The following BLNK variants were observed in gnomAD, a reference collection of about 807,000 sequenced individuals.
BLNK encodes the protein B cell linker.
BLNK carries 29 observed loss-of-function variants against 73.5 expected under a neutral mutation model. The observed-to-expected ratio is 0.39, with a 90% CI of 0.29 to 0.54. BLNK has a LOEUF of 0.54. Among genes scored for constraint, BLNK ranks in the 20% least tolerant of loss-of-function variants. BLNK has a pLI of 0.61. For missense variants in BLNK, 460 were observed against 562.8 expected, an observed-to-expected ratio of 0.82 and a Z score of 1.85; for synonymous variants, 176 against 200.8, an observed-to-expected ratio of 0.88 and a Z score of 1.04.
rs5787172 is a variant in BLNK at position 96,203,782 on chromosome 10, TA to T, written c.934+274del. The T allele has an allele frequency of 0.73, 167,197 of 227,484 alleles. 57,749 individuals are homozygous for T. Among genetic ancestry groups the T allele is most frequent in the Non-Finnish European group, 0.78 (89,959 of 115,684 alleles). The allele number at this position is 227,484 out of a possible 1,614,324, so 14.1% of individuals were successfully genotyped here. A position where few individuals can be genotyped will look rare whatever the true frequency, so the allele number is the denominator to read the frequency against. ...TTTGAAAACAGCTGTATTGTTTTTGTAAAAAAAAAAAAAGTTAAAAAAGGAT... is the reference window on the plus strand; with the variant it reads ...TTTGAAAACAGCTGTATTGTTTTTGTAAAAAAAAAAAAGTTAAAAAAGGAT... On this transcript the variant is annotated intron_variant, in intron 13 of 16. Coordinates refer to ENST00000224337, the MANE Select transcript of BLNK (RefSeq NM_013314.4).
intron 8 of BLNK, among the ~76,000 whole-genome samples, chr10:96,213,077 C>T (rs587606653): frequency 4.8e-4 from 73 of 152,256 alleles, no homozygotes; most frequent in African/African-American, 1.7e-3. Context: ...GTAATAAATC[C>T]AGCTGGCTAA....
At chr10:96,210,500 T>C (rs2083921763) in intron 8 of BLNK, among the ~76,000 whole-genome samples, 1 of 152,240 alleles carries the variant, frequency 6.6e-6, no homozygotes, top group South Asian at 2.1e-4. Flanking sequence ...TTGAGACAAG[T>C]GCAGGCTGCT....
chr10:96,204,401 A>T, intron 12 of BLNK, 131 bp downstream of exon 12: 1 of 1,070,538 alleles, frequency 9.3e-7, no homozygotes. Flanking sequence ...TTTAACACGT[A>T]ACTGCAAAAC....
At chr10:96,205,035 C>T (rs782659780) in intron 11 of BLNK, 67 of 268,798 alleles carry the variant, frequency 2.5e-4, no homozygotes, top group South Asian at 9.4e-4. Flanking sequence ...AGTCATAAGA[C>T]GTGGTATAAG....
chr10:96,250,482 G>A (rs191511508), intron 1 of BLNK, among the ~76,000 whole-genome samples: 94 of 151,906 alleles, frequency 6.2e-4, no homozygotes, highest in African/African-American at 2.1e-3. Flanking sequence ...TGGATTGATT[G>A]CAAGGAAATT....
At position 96,271,546 on chromosome 10, in the gene BLNK, A is replaced by G; in HGVS notation, c.-148T>C. Reference sequence around the variant, plus strand: ...TTTCTGAGAGTGCAGGCTGCTGGCAAACACCCCTGCTCTAGGGAGAAGTAA... The same window carrying G: ...TTTCTGAGAGTGCAGGCTGCTGGCAGACACCCCTGCTCTAGGGAGAAGTAA... On this transcript the variant is annotated 5_prime_UTR_variant, in exon 1 of 17. Transcript: ENST00000224337. 1 of 780,704 alleles carries G rather than the reference A, an allele frequency of 1.3e-6. No individual in the cohort carries two copies. Among genetic ancestry groups the G allele is most frequent in the South Asian group, 1.4e-5 (1 of 70,768 alleles). 48.4% of individuals were successfully genotyped at this position (780,704 alleles called of 1,614,324 possible). A position where few individuals can be genotyped will look rare whatever the true frequency, so the allele number is the denominator to read the frequency against.
intron 1 of BLNK, among the ~76,000 whole-genome samples, chr10:96,256,033 A>G (rs1291420733): frequency 1.3e-5 from 2 of 152,176 alleles, no homozygotes; most frequent in Non-Finnish European, 2.9e-5. Flanking sequence ...AACACTGCCA[A>G]TAAGAAAAAG....
chr10:96,259,408 C>T (rs1843648286), intron 1 of BLNK, among the ~76,000 whole-genome samples: 1 of 152,108 alleles, frequency 6.6e-6, no homozygotes, highest in South Asian at 2.1e-4. Flanking sequence ...ACATGGGAGG[C>T]AGGAGGGAAT....
chr10:96,190,325 CT>C lies in BLNK; in HGVS notation c.*1647del. ...TGGAATCACGCCAGTAGTATTGTTC[CT>C]GTGTGTCTCTTCATATAGTCTTCTC... is the stretch of plus-strand genomic sequence containing the variant. On this transcript the variant is annotated 3_prime_UTR_variant, in exon 17 of 17. Transcript: ENST00000224337. 3 of 574,620 alleles carry C rather than the reference CT, an allele frequency of 5.2e-6. No homozygotes were observed. The South Asian group carries it at 5.5e-5, about 11-fold the overall frequency. 35.6% of individuals were successfully genotyped at this position (574,620 alleles called of 1,614,324 possible).
intron 13 of BLNK, among the ~76,000 whole-genome samples, chr10:96,203,421 G>A (rs2083704016): frequency 1.3e-5 from 2 of 152,060 alleles, no homozygotes; most frequent in Admixed American, 1.3e-4. Flanking sequence ...TATTTAAATG[G>A]ATTTAAGCTT....
At position 96,189,732 on chromosome 10, in the gene BLNK, ATCT is replaced by A; in HGVS notation, c.*2238_*2240del. 1 of 721,406 alleles carries A rather than the reference ATCT, an allele frequency of 1.4e-6. No individual in the cohort carries two copies. The highest frequency in any genetic ancestry group is 2.5e-6 in the Non-Finnish European group (1 of 394,044). 44.7% of individuals were successfully genotyped at this position (721,406 alleles called of 1,614,324 possible). A position where few individuals can be genotyped will look rare whatever the true frequency, so the allele number is the denominator to read the frequency against. On this transcript the variant is annotated 3_prime_UTR_variant, in exon 17 of 17. Coordinates refer to ENST00000224337, the MANE Select transcript of BLNK (RefSeq NM_013314.4). ...CATCATCATCATCATCATCATCATC[ATCT>A]TCATCAGCAGCAAGTTTTACTTTTA... is the stretch of plus-strand genomic sequence containing the variant.
chr10:96,226,845 A>T (rs1554902607), intron 5 of BLNK, among the ~76,000 whole-genome samples: 1 of 151,720 alleles, frequency 6.6e-6, no homozygotes, highest in Non-Finnish European at 1.5e-5. Flanking sequence ...CAAAAAAACA[A>T]AACAAAACAA....
Position 96,200,933 on chromosome 10 carries a change from C to T in BLNK, c.1011+49G>A. On this transcript the variant is annotated intron_variant, in intron 14 of 16. Transcript: ENST00000224337. The surrounding 1 kb of genome is among the most constrained non-coding windows in gnomAD (Gnocchi z 4.3). ...TTCTTCTCAGAAGACATGCTCTTTC[C>T]TGCAGTTTCCTGGTAACAATTTAGT... 6.6e-7 allele frequency: 1 copy of T among 1,519,858 alleles called. No individual in the cohort carries two copies. The highest frequency in any genetic ancestry group is 1.1e-5 in the South Asian group (1 of 89,172). 94.1% of individuals were successfully genotyped at this position (1,519,858 alleles called of 1,614,324 possible). A position where few individuals can be genotyped will look rare whatever the true frequency, so the allele number is the denominator to read the frequency against.
At chr10:96,246,129 T>G (rs2134090366) in intron 2 of BLNK, among the ~76,000 whole-genome samples, 1 of 152,272 alleles carries the variant, frequency 6.6e-6, no homozygotes, top group East Asian at 1.9e-4. Flanking sequence ...TGTACAATTT[T>G]TATTCTCTTT....
In BLNK at chr10:96,207,050, G is replaced by T; in HGVS notation, c.778C>A (p.Pro260Thr). 1 of 1,613,880 alleles carries T rather than the reference G, an allele frequency of 6.2e-7. No homozygotes were observed. The highest frequency in any genetic ancestry group is 8.5e-7 in the Non-Finnish European group (1 of 1,179,824). Residue 260 changes from proline (P) to threonine (T), a missense_variant, in exon 11 of 17, where the codon CCA becomes ACA. Coordinates refer to ENST00000224337, the MANE Select transcript of BLNK (RefSeq NM_013314.4). ...GAAGCATTCTGTTGAGAGGCAACTG[G>T]AGTCTATGTAAAAGAAAAAAAGGCA... ...KKPTTPLKTTPVASQQNASSV... is the reference protein window; with the variant it reads ...KKPTTPLKTTTVASQQNASSV...
chr10:96,207,818 A>G, intron 10 of BLNK, 54 bp downstream of exon 10: 1 of 1,593,460 alleles, frequency 6.3e-7, no homozygotes, highest in East Asian at 2.2e-5. Context: ...ATAAATGGAT[A>G]AGAATAAACA....
At position 96,190,419 on chromosome 10, in the gene BLNK, TGA is replaced by T. The variant is rs2083310388; in HGVS notation, c.*1552_*1553del. On this transcript the variant is annotated 3_prime_UTR_variant, in exon 17 of 17. Coordinates refer to ENST00000224337, the MANE Select transcript of BLNK (RefSeq NM_013314.4). ...GCCATTGTATTAAGGCCCACCCTAC[TGA>T]CCTCATCTTACCTTGACTATATCTG... Among the ~76,000 whole-genome samples the T allele has an allele frequency of 6.6e-6, 1 of 152,208 alleles. No homozygotes were observed. The highest frequency in any genetic ancestry group is 1.9e-4 in the East Asian group (1 of 5,200).
chr10:96,256,602 C>T (rs1378870281), intron 1 of BLNK, among the ~76,000 whole-genome samples: 7 of 151,866 alleles, frequency 4.6e-5, no homozygotes, highest in African/African-American at 7.3e-5. Flanking sequence ...GAAAAAGGGC[C>T]GGGTATGGTG....
chr10:96,262,541 T>A (rs1261788772), intron 1 of BLNK, among the ~76,000 whole-genome samples: 2 of 152,262 alleles, frequency 1.3e-5, no homozygotes, highest in Non-Finnish European at 2.9e-5. Flanking sequence ...AATCCACATC[T>A]GCCTGATTCT....
Sources: allele counts gnomAD v4.1 joint callset (sites outside exome capture counted in the v4.1 genomes callset), GRCh38; gene constraint gnomAD v4.1.1; non-coding constraint Gnocchi (gnomAD v3.1); transcripts MANE v1.5; gene names NCBI Gene and HGNC (gene_info 2026-07-23, HGNC 2026-07-21).